The following ANKS1B variants were observed in gnomAD, a reference collection of about 807,000 sequenced individuals.
The protein encoded by ANKS1B is ankyrin repeat and sterile alpha motif domain containing 1B.
A neutral mutation model predicts 148.3 loss-of-function variants in ANKS1B; 36 were observed. The ratio of observed to expected loss-of-function variants is 0.24; its 90% CI spans 0.19 to 0.32. ANKS1B has a LOEUF of 0.32. Among genes scored for constraint, ANKS1B ranks in the 10% least tolerant of loss-of-function variants. The pLI is 1.00. For missense variants in ANKS1B, 1,157 were observed against 1,542.6 expected, an observed-to-expected ratio of 0.75 and a Z score of 4.19; for synonymous variants, 542 against 560.8, an observed-to-expected ratio of 0.97 and a Z score of 0.47.
intron 17 of ANKS1B, among the ~76,000 whole-genome samples, chr12:98,864,945 T>C (rs1207439365): frequency 6.6e-6 from 1 of 152,234 alleles, no homozygotes; most frequent in Non-Finnish European, 1.5e-5. Flanking sequence ...TTGAAGATAC[T>C]GTTTTCATCT....
intron 17 of ANKS1B, among the ~76,000 whole-genome samples, chr12:98,845,845 G>C (rs1595335180): frequency 6.6e-6 from 1 of 151,642 alleles, no homozygotes; most frequent in South Asian, 2.1e-4. Context: ...AGTAACCTTA[G>C]TACAATGATA....
intron 14 of ANKS1B, among the ~76,000 whole-genome samples, chr12:99,184,017 TA>T (rs1214404146): frequency 1.3e-5 from 2 of 152,168 alleles, no homozygotes; most frequent in Non-Finnish European, 2.9e-5. Context: ...AAAAAAGACA[TA>T]GTCTTGAAGT....
chr12:99,495,876 T>C (rs534088697), intron 10 of ANKS1B, among the ~76,000 whole-genome samples: 2 of 152,354 alleles, frequency 1.3e-5, no homozygotes, highest in South Asian at 2.1e-4. Context: ...AATATTTAGG[T>C]ATAAACAAGT....
intron 8 of ANKS1B, among the ~76,000 whole-genome samples, chr12:99,703,517 T>A (rs1401988016): frequency 1.3e-5 from 2 of 152,122 alleles, no homozygotes; most frequent in African/African-American, 2.4e-5. Context: ...ATTATCCTGT[T>A]TCACGCCTCG....
intron 17 of ANKS1B, among the ~76,000 whole-genome samples, chr12:99,006,351 A>G (rs191129683): frequency 1.6e-3 from 249 of 152,340 alleles, no homozygotes; most frequent in Middle Eastern, 6.8e-3. Context: ...ATAGGGACAC[A>G]GTCCCTGCTT....
chr12:99,117,625 C>T (rs745526451), intron 15 of ANKS1B, among the ~76,000 whole-genome samples: 7 of 152,222 alleles, frequency 4.6e-5, no homozygotes, highest in Middle Eastern at 3.4e-3. Context: ...ATTTTAGCCT[C>T]GATATTCATC....
chr12:99,676,893 A>T (rs2098576897), intron 8 of ANKS1B, among the ~76,000 whole-genome samples: 1 of 152,322 alleles, frequency 6.6e-6, no homozygotes, highest in African/African-American at 2.4e-5. Context: ...AAAGTGATAC[A>T]AATAAATTAG....
At chr12:99,511,485 C>T (rs1224723989) in intron 9 of ANKS1B, among the ~76,000 whole-genome samples, 1 of 152,018 alleles carries the variant, frequency 6.6e-6, no homozygotes, top group African/African-American at 2.4e-5. Context: ...AATGGCCATA[C>T]TGTCCAAAGT....
intron 10 of ANKS1B, among the ~76,000 whole-genome samples, chr12:99,484,959 T>C (rs913590944): frequency 6.6e-6 from 1 of 151,904 alleles, no homozygotes; most frequent in South Asian, 2.1e-4. Flanking sequence ...TGGATTGTGA[T>C]ATTTTAAAAT....
intron 11 of ANKS1B, among the ~76,000 whole-genome samples, chr12:99,402,011 T>C (rs1014411589): frequency 2.0e-5 from 3 of 146,708 alleles, no homozygotes; most frequent in Non-Finnish European, 3.0e-5. Flanking sequence ...GGTCATATTT[T>C]CCACAACACT....
intron 26 of ANKS1B, 27 bp from the exon 27 acceptor site, chr12:98,745,876 TTA>T (rs2097871172): frequency 6.3e-7 from 1 of 1,593,292 alleles, no homozygotes; most frequent in South Asian, 1.1e-5. Context: ...CTGATGCCTG[TTA>T]TACGGTCGCC....
intron 17 of ANKS1B, among the ~76,000 whole-genome samples, chr12:98,846,100 A>G (rs2153739853): frequency 6.6e-6 from 1 of 152,136 alleles, no homozygotes; most frequent in Non-Finnish European, 1.5e-5. Flanking sequence ...TTCCCTAGAT[A>G]TCTGGAATAC....
chr12:99,242,114 C>T (rs1346560151), intron 14 of ANKS1B, among the ~76,000 whole-genome samples: 3 of 152,146 alleles, frequency 2.0e-5, no homozygotes, highest in African/African-American at 7.2e-5. Context: ...TCTCTGTTTG[C>T]AGATGATATG....
chr12:99,607,457 G>A (rs555177491), intron 9 of ANKS1B, among the ~76,000 whole-genome samples: 44 of 151,546 alleles, frequency 2.9e-4, no homozygotes, highest in African/African-American at 9.7e-4. Flanking sequence ...TGGATTTAAA[G>A]TATTATGACC....
chr12:99,628,115 G>A (rs1244770618), intron 9 of ANKS1B, among the ~76,000 whole-genome samples: 1 of 152,050 alleles, frequency 6.6e-6, no homozygotes, highest in African/African-American at 2.4e-5. Flanking sequence ...TTGCTCCTAG[G>A]CTACAAACCT....
At chr12:98,934,958 T>C (rs576861650) in intron 17 of ANKS1B, among the ~76,000 whole-genome samples, 1 of 152,176 alleles carries the variant, frequency 6.6e-6, no homozygotes, top group South Asian at 2.1e-4. Context: ...CCCTTTCAAT[T>C]TGGGCACCTT....
chr12:99,312,023 C>A (rs774168604), intron 12 of ANKS1B, among the ~76,000 whole-genome samples: 8 of 152,088 alleles, frequency 5.3e-5, no homozygotes, highest in Non-Finnish European at 1.2e-4. Context: ...GTACTCGAAG[C>A]ATTTGGAGAA....
chr12:99,796,406 G>T (rs369050353), intron 4 of ANKS1B, among the ~76,000 whole-genome samples: 1 of 151,952 alleles, frequency 6.6e-6, no homozygotes, highest in African/African-American at 2.4e-5. Flanking sequence ...TTGGGTGGGC[G>T]GCAGGGGTAG....
At chr12:99,507,473 T>C (rs1370747504) in intron 9 of ANKS1B, among the ~76,000 whole-genome samples, 1 of 151,900 alleles carries the variant, frequency 6.6e-6, no homozygotes, top group African/African-American at 2.4e-5. Context: ...AAATCAAGCA[T>C]GCTGAGATAA....
Sources: allele counts gnomAD v4.1 joint callset (sites outside exome capture counted in the v4.1 genomes callset), GRCh38; gene constraint gnomAD v4.1.1; transcripts MANE v1.5; gene names NCBI Gene and HGNC (gene_info 2026-07-23, HGNC 2026-07-21).